EGF: variants seen among roughly 807,000 people sequenced by gnomAD.
The protein encoded by EGF is epidermal growth factor.
In EGF, 95 loss-of-function variants were observed where a neutral mutation model predicts 143.8. That is an observed-to-expected ratio of 0.66 (90% CI 0.56 to 0.78). The LOEUF is 0.78. Among genes scored for constraint, EGF ranks in the 30% least tolerant of loss-of-function variants. The pLI, the probability that EGF is intolerant of heterozygous loss-of-function variation, is 0.00. For synonymous variants in EGF, 510 were observed against 510.5 expected (o/e 1.00, Z 0.01); for missense variants, 1,320 against 1,470.9 (o/e 0.90, Z 1.68).
chr4:109,940,127 A>C (rs1560657830), intron 1 of EGF, among the ~76,000 whole-genome samples: 3 of 152,194 alleles, frequency 2.0e-5, no homozygotes, highest in South Asian at 4.1e-4. Context: ...GATATTGAAT[A>C]TTGGGGCATC....
Position 110,004,580 on chromosome 4 carries a change from T to A in EGF, c.3249T>A (p.Pro1083=). ...GCAGAGATGTGAGGAGTCGCAGGCCTGCTGACACTGAGGATGGGATGTCCT... is the reference window on the plus strand; with the variant it reads ...GCAGAGATGTGAGGAGTCGCAGGCCAGCTGACACTGAGGATGGGATGTCCT... ...ESSRDVRSRR[P]ADTEDGMSSC... is the part of the protein sequence containing the mutation. Residue 1083 remains proline, a synonymous_variant, in exon 22 of 24, where the codon CCT becomes CCA. Coordinates refer to ENST00000265171, the MANE Select transcript of EGF (RefSeq NM_001963.6). 2 of 1,613,992 alleles carry A rather than the reference T, an allele frequency of 1.2e-6. No homozygotes were observed. The highest frequency in any genetic ancestry group is 4.5e-5 in the East Asian group (2 of 44,884).
At chr4:109,999,539 C>T in intron 20 of EGF, 140 bp from the exon 21 acceptor site, 1 of 1,048,316 alleles carries the variant, frequency 9.5e-7, no homozygotes, top group Admixed American at 1.9e-5. Flanking sequence ...TTCAACTGAC[C>T]CCTGATGGAT....
At chr4:109,983,768 G>C (rs1749728694) in intron 16 of EGF, among the ~76,000 whole-genome samples, 1 of 152,204 alleles carries the variant, frequency 6.6e-6, no homozygotes, top group African/African-American at 2.4e-5. Flanking sequence ...TTGGGTGTGA[G>C]TCTTTGTTCT....
chr4:109,935,772 C>T (rs907239789), intron 1 of EGF, among the ~76,000 whole-genome samples: 4 of 152,140 alleles, frequency 2.6e-5, no homozygotes, highest in Admixed American at 1.3e-4. Context: ...TGAATTTTAT[C>T]GAAGGCGTTT....
chr4:109,982,951 G>A (rs1471650706), intron 15 of EGF, among the ~76,000 whole-genome samples: 14 of 152,130 alleles, frequency 9.2e-5, no homozygotes. Flanking sequence ...TCTTATGCCT[G>A]TATTAAATCA....
In EGF at chr4:109,913,434, C is replaced by T. The variant is rs544759335; in HGVS notation, c.99C>T (p.Leu33=). The part of the protein sequence containing the change: ...PQHWSCPEGT[L]AGNGNSTCVG... The stretch of plus-strand genomic sequence containing the variant: ...ACTGGAGCTGTCCTGAAGGTACTCT[C>T]GCAGGAAATGGGAATTCTACTTGTG... Residue 33 remains leucine (L), a synonymous_variant, in exon 1 of 24, where the codon CTC becomes CTT. Coordinates refer to ENST00000265171, the MANE Select transcript of EGF (RefSeq NM_001963.6). 1.8e-5 allele frequency: 29 copies of T among 1,613,754 alleles called. No homozygotes were observed. In the East Asian group the frequency reaches 2.2e-4, roughly 12 times the overall value.
chr4:109,918,418 G>C (rs564014132), intron 1 of EGF, among the ~76,000 whole-genome samples: 6 of 152,306 alleles, frequency 3.9e-5, no homozygotes, highest in African/African-American at 1.4e-4. Context: ...CCTGGAGTTT[G>C]AGAAATGCCC....
In EGF at chr4:109,945,135, A is replaced by G. The variant is rs1742617978; in HGVS notation, c.800A>G (p.Lys267Arg). ...DRIFYSTWKM[K>R]TIWIANKHTG... The stretch of plus-strand genomic sequence containing the variant: ...ATCTTCTATTCAACATGGAAAATGA[A>G]GACAATTTGGATAGCCAACAAACAC... Residue 267 changes from lysine (K) to arginine (R), a missense_variant, in exon 5 of 24, where the codon AAG becomes AGG. Lys to Arg is a conservative substitution (Grantham distance 26, BLOSUM62 2). Coordinates refer to ENST00000265171, the MANE Select transcript of EGF (RefSeq NM_001963.6). The G allele has an allele frequency of 6.2e-7, 1 of 1,614,190 alleles. No individual in the cohort carries two copies. The highest frequency in any genetic ancestry group is 1.3e-5 in the African/African-American group (1 of 75,046).
At chr4:109,995,487 C>T (rs1751667002) in intron 20 of EGF, among the ~76,000 whole-genome samples, 4 of 152,154 alleles carry the variant, frequency 2.6e-5, no homozygotes, top group African/African-American at 9.7e-5. Flanking sequence ...AACGTGTCAA[C>T]CTGGAAAGGA....
chr4:109,945,955 G>A (rs187867640), intron 5 of EGF, among the ~76,000 whole-genome samples: 11 of 152,242 alleles, frequency 7.2e-5, no homozygotes, highest in East Asian at 1.9e-4. Context: ...TATGTCTTGC[G>A]TTTAGGCAAA....
At chr4:109,915,800 A>G (rs2125919539) in intron 1 of EGF, among the ~76,000 whole-genome samples, 1 of 152,344 alleles carries the variant, frequency 6.6e-6, no homozygotes, top group East Asian at 1.9e-4. Context: ...ATGGTCTAAC[A>G]GTATTCAGGT....
intron 1 of EGF, among the ~76,000 whole-genome samples, chr4:109,939,038 C>T (rs551234558): frequency 6.6e-6 from 1 of 152,316 alleles, no homozygotes; most frequent in South Asian, 2.1e-4. Context: ...CTGGGAGAAC[C>T]ACTGCTCTCT....
At chr4:109,948,651 T>C (rs1743271313) in intron 5 of EGF, among the ~76,000 whole-genome samples, 1 of 152,052 alleles carries the variant, frequency 6.6e-6, no homozygotes, top group South Asian at 2.1e-4. Flanking sequence ...ACCTGGCTAA[T>C]TTTGTTGTGT....
Position 109,959,565 on chromosome 4 carries a change from A to C in EGF, c.1066+128A>C, listed in dbSNP as rs565138475. 8.5e-5 allele frequency: 120 copies of C among 1,416,404 alleles called. No individual in the cohort carries two copies. The South Asian group carries it at 1.3e-3, about 15-fold the overall frequency. 87.7% of individuals were successfully genotyped at this position (1,416,404 alleles called of 1,614,324 possible). ...TCAGTGGAAAACCAACTTCAAGTCC[A>C]TTCTCCCCGTCCCCCACACAACCCC... On this transcript the variant is annotated intron_variant, in intron 6 of 23. Coordinates refer to ENST00000265171, the MANE Select transcript of EGF (RefSeq NM_001963.6).
intron 13 of EGF, among the ~76,000 whole-genome samples, chr4:109,978,409 A>G (rs1403727265): frequency 6.6e-6 from 1 of 152,256 alleles, no homozygotes; most frequent in Non-Finnish European, 1.5e-5. Flanking sequence ...TTGTTTAAAC[A>G]CTATAGCTAA....
rs1447762617 is a variant in EGF, at chr4:109,969,149, G to T, written c.1724+30G>T. The T allele has an allele frequency of 5.6e-6, 9 of 1,613,872 alleles. No individual in the cohort carries two copies. The East Asian group carries it at 2.0e-4, about 36-fold the overall frequency. On this transcript the variant is annotated intron_variant, in intron 11 of 23. Transcript: ENST00000265171. The stretch of plus-strand genomic sequence containing the variant: ...GTTTTCTGCTTCAGTTTTAAGCTGT[G>T]TGAGATGGGAGTGATGGGATAGGTA...
At chr4:109,992,037 A>G (rs11569061) in intron 18 of EGF, among the ~76,000 whole-genome samples, 11,244 of 151,966 alleles carry the variant, frequency 0.074, 1,299 homozygotes, top group African/African-American at 0.24. Context: ...AACCAATCAT[A>G]GTGATGCAAG....
At chr4:109,963,739 T>C (rs979101186) in intron 9 of EGF, among the ~76,000 whole-genome samples, 1 of 152,214 alleles carries the variant, frequency 6.6e-6, no homozygotes, top group African/African-American at 2.4e-5. Flanking sequence ...TCTTCTGATA[T>C]TACCTCTCTT....
At chr4:109,978,464 G>T (rs1342801507) in intron 13 of EGF, among the ~76,000 whole-genome samples, 2 of 152,168 alleles carry the variant, frequency 1.3e-5, no homozygotes, top group Non-Finnish European at 2.9e-5. Flanking sequence ...AGGACATTAT[G>T]CCAAGTGAAA....
Sources: allele counts gnomAD v4.1 joint callset (sites outside exome capture counted in the v4.1 genomes callset), GRCh38; gene constraint gnomAD v4.1.1; transcripts MANE v1.5; gene names NCBI Gene and HGNC (gene_info 2026-07-23, HGNC 2026-07-21).